The following CSMD1 variants were observed in gnomAD, a reference collection of about 807,000 sequenced individuals.
CSMD1 encodes the protein CUB and Sushi multiple domains 1, also known as CUB and sushi domain-containing protein 1.
CSMD1 carries 213 observed loss-of-function variants against 417.5 expected under a neutral mutation model. The ratio of observed to expected loss-of-function variants is 0.51; its 90% CI spans 0.46 to 0.57. CSMD1 has a LOEUF of 0.57. Among genes scored for constraint, CSMD1 ranks in the 20% least tolerant of loss-of-function variants. The pLI is 0.00. For missense variants in CSMD1, 6,923 were observed against 4,529.7 expected (o/e 1.53, Z -15.17); for synonymous variants, 2,862 against 1,736.8 (o/e 1.65, Z -16.11).
At chr8:4,434,777 C>T (rs1346201084) in intron 2 of CSMD1, among the ~76,000 whole-genome samples, 1 of 152,126 alleles carries the variant, frequency 6.6e-6, no homozygotes, top group African/African-American at 2.4e-5. Flanking sequence ...ACACCCTTTC[C>T]ACACTCCAGA....
At chr8:3,920,032 T>C (rs946957420) in intron 5 of CSMD1, among the ~76,000 whole-genome samples, 2 of 143,300 alleles carry the variant, frequency 1.4e-5, no homozygotes, top group Non-Finnish European at 3.0e-5. Context: ...TGTTTTTTAC[T>C]TTTTTGTTTT....
chr8:3,372,697 C>T (rs13256371), intron 18 of CSMD1, among the ~76,000 whole-genome samples: 58,395 of 151,856 alleles, frequency 0.38, 11,382 homozygotes, highest in Middle Eastern at 0.45. Flanking sequence ...GTAAGGCAGG[C>T]GTTCAGCTTT....
intron 36 of CSMD1, among the ~76,000 whole-genome samples, chr8:3,186,749 T>C (rs1032332040): frequency 6.6e-6 from 1 of 152,210 alleles, no homozygotes; most frequent in Non-Finnish European, 1.5e-5. Context: ...ACAAATGGGA[T>C]AGAAGGAGTC....
At chr8:3,943,951 A>C (rs1276504407) in intron 5 of CSMD1, among the ~76,000 whole-genome samples, 3 of 152,140 alleles carry the variant, frequency 2.0e-5, no homozygotes, top group Admixed American at 6.6e-5. Flanking sequence ...ATGTTAGGTA[A>C]AATTTGAATT....
intron 3 of CSMD1, among the ~76,000 whole-genome samples, chr8:4,179,616 C>G (rs181720600): frequency 0.028 from 4,229 of 150,848 alleles, 218 homozygotes; most frequent in African/African-American, 0.098. Flanking sequence ...CACAGCAAAA[C>G]AAACTACCAT....
chr8:3,796,291 T>TATAGATATCTATCATGTATAGATATAG (rs374040953), intron 5 of CSMD1, among the ~76,000 whole-genome samples: 1 of 24,900 alleles, frequency 4.0e-5, no homozygotes, highest in African/African-American at 1.5e-4. Flanking sequence ...CATGTATAGA[T>TATAGATATCTATCATGTATAGATATAG]ATATCTATCA....
chr8:4,722,148 G>C (rs757790081), intron 1 of CSMD1, among the ~76,000 whole-genome samples: 2 of 152,054 alleles, frequency 1.3e-5, no homozygotes, highest in South Asian at 2.1e-4. Flanking sequence ...TTTACTAAGA[G>C]AGAAGATGTA....
intron 41 of CSMD1, among the ~76,000 whole-genome samples, chr8:3,119,233 G>C (rs1337627655): frequency 6.6e-6 from 1 of 150,604 alleles, no homozygotes; most frequent in Non-Finnish European, 1.5e-5. Flanking sequence ...TACAAAAAAT[G>C]TTGGGTGAAC....
chr8:4,247,117 A>G (rs1223273575), intron 3 of CSMD1, among the ~76,000 whole-genome samples: 1 of 152,230 alleles, frequency 6.6e-6, no homozygotes, highest in Non-Finnish European at 1.5e-5. Context: ...CGCCAATAAA[A>G]GGAAAGGAAA....
intron 24 of CSMD1, 53 bp from the exon 25 acceptor site, chr8:3,307,874 C>G (rs946384350): frequency 6.3e-7 from 1 of 1,577,970 alleles, no homozygotes; most frequent in Admixed American, 1.9e-5. Context: ...TCACATGTTT[C>G]TATTTAGCTA....
At chr8:4,374,297 T>C (rs1340855605) in intron 3 of CSMD1, among the ~76,000 whole-genome samples, 2 of 152,148 alleles carry the variant, frequency 1.3e-5, no homozygotes, top group Non-Finnish European at 1.5e-5. Context: ...TTATGCTGTA[T>C]TAGAGTACAA....
chr8:4,638,151 A>C (rs560367125), intron 1 of CSMD1, among the ~76,000 whole-genome samples: 1 of 152,334 alleles, frequency 6.6e-6, no homozygotes, highest in East Asian at 1.9e-4. Flanking sequence ...AGCCTCATCA[A>C]TATCAAATTT....
In CSMD1 at chr8:4,994,343, G is replaced by A. The variant is rs372511285; in HGVS notation, c.74C>T (p.Thr25Ile). ...CAAGTCCGTCTTACCCTTCGCTGCA[G>A]TGAGGAGCCTCGCGCACAGCACCAG... ...GLLVLCARLL[T>I]AAKGQNCGGL... Residue 25 changes from threonine (T) to isoleucine (I), a missense_variant, in exon 1 of 70, where the codon ACT becomes ATT. Physicochemically the swap from Thr to Ile is moderately conservative, Grantham distance 89. Coordinates refer to ENST00000635120, the MANE Select transcript of CSMD1 (RefSeq NM_033225.6). The A allele has an allele frequency of 6.2e-7, 1 of 1,610,936 alleles. No homozygotes were observed. The highest frequency in any genetic ancestry group is 2.2e-5 in the East Asian group (1 of 44,852).
chr8:4,199,134 T>G (rs1347426013), intron 3 of CSMD1, among the ~76,000 whole-genome samples: 1 of 152,170 alleles, frequency 6.6e-6, no homozygotes, highest in Non-Finnish European at 1.5e-5. Context: ...CTCATATATT[T>G]GTATGAGACT....
chr8:3,823,431 T>A (rs1233087072), intron 5 of CSMD1, among the ~76,000 whole-genome samples: 7 of 152,130 alleles, frequency 4.6e-5, no homozygotes, highest in East Asian at 3.9e-4. Flanking sequence ...TATGCAAAAT[T>A]TAGGAAAGGA....
intron 18 of CSMD1, among the ~76,000 whole-genome samples, chr8:3,376,956 G>A (rs189681002): frequency 2.0e-5 from 3 of 152,272 alleles, no homozygotes; most frequent in Admixed American, 2.0e-4. Context: ...AAACATGACT[G>A]ACTGAAACTC....
intron 25 of CSMD1, among the ~76,000 whole-genome samples, chr8:3,292,175 C>T (rs543800843): frequency 4.6e-5 from 7 of 152,158 alleles, no homozygotes; most frequent in Non-Finnish European, 1.0e-4. Context: ...AGTTTGATTG[C>T]ACTGTGGTCT....
At chr8:4,497,819 C>T (rs1229321817) in intron 2 of CSMD1, among the ~76,000 whole-genome samples, 1 of 152,134 alleles carries the variant, frequency 6.6e-6, no homozygotes, top group Admixed American at 6.6e-5. Context: ...CACAGCTGTC[C>T]AGAATCAACG....
chr8:4,283,785 AT>A (rs1247838004), intron 3 of CSMD1, among the ~76,000 whole-genome samples: 1 of 33,064 alleles, frequency 3.0e-5, no homozygotes, highest in Non-Finnish European at 1.3e-4. Flanking sequence ...CAAAAGGAGA[AT>A]AAAAAAAAAA....
Sources: allele counts gnomAD v4.1 joint callset (sites outside exome capture counted in the v4.1 genomes callset), GRCh38; gene constraint gnomAD v4.1.1; transcripts MANE v1.5; gene names NCBI Gene and HGNC (gene_info 2026-07-23, HGNC 2026-07-21).